The following SLC38A9 variants were observed in gnomAD, a reference collection of about 807,000 sequenced individuals.
The protein encoded by SLC38A9 is neutral amino acid transporter 9.
SLC38A9 carries 48 observed loss-of-function variants against 62.3 expected under a neutral mutation model. The observed-to-expected ratio is 0.77, with a 90% CI of 0.61 to 0.98. SLC38A9 has a LOEUF of 0.98. Ranked by LOEUF, SLC38A9 falls within the 50% of genes least tolerant of loss-of-function variation. The pLI is 0.00. For missense variants in SLC38A9, 541 were observed against 679.8 expected (o/e 0.80, Z 2.27); for synonymous variants, 204 against 227.7 (o/e 0.90, Z 0.94).
chr5:55,669,897 T>A lies in SLC38A9; in HGVS notation c.247-18A>T, dbSNP rs115252688. On this transcript the variant is annotated intron_variant, in intron 4 of 15. Coordinates refer to ENST00000396865, the MANE Select transcript of SLC38A9 (RefSeq NM_173514.4). ...GGGGCAATCTGGTAAAAAGGAAACATAGATAAATTTCAGAACCAGGAAATG... is the reference window on the plus strand; with the variant it reads ...GGGGCAATCTGGTAAAAAGGAAACAAAGATAAATTTCAGAACCAGGAAATG... The A allele has an allele frequency of 1.3e-6, 2 of 1,572,960 alleles. No homozygotes were observed. Among genetic ancestry groups the A allele is most frequent in the South Asian group, 2.4e-5 (2 of 84,794 alleles).
rs567049086 is a variant in SLC38A9 at position 55,633,970 on chromosome 5, T to G, written c.1282-68A>C. The stretch of plus-strand genomic sequence containing the variant: ...CAGTACACACATTCATAAAATGGAA[T>G]GTCTTCTGCTTATTTTGAACACAGG... On this transcript the variant is annotated intron_variant, in intron 13 of 15. Transcript: ENST00000396865. 28 of 1,250,262 alleles carry G rather than the reference T, an allele frequency of 2.2e-5. No individual in the cohort carries two copies. The African/African-American group carries it at 4.1e-4, about 18-fold the overall frequency. 77.4% of individuals were successfully genotyped at this position (1,250,262 alleles called of 1,614,324 possible).
intron 4 of SLC38A9, among the ~76,000 whole-genome samples, chr5:55,671,139 A>G (rs1379571458): frequency 6.6e-6 from 1 of 152,078 alleles, no homozygotes; most frequent in South Asian, 2.1e-4. Flanking sequence ...TTAAACTTGC[A>G]AGTTTCTGAC....
At chr5:55,677,555 G>A (rs539221452) in intron 3 of SLC38A9, among the ~76,000 whole-genome samples, 1 of 152,158 alleles carries the variant, frequency 6.6e-6, no homozygotes, top group African/African-American at 2.4e-5. Context: ...TGTTTGTTTT[G>A]AGATAGGGTT....
At chr5:55,690,516 C>G (rs1330029831) in intron 3 of SLC38A9, among the ~76,000 whole-genome samples, 2 of 152,164 alleles carry the variant, frequency 1.3e-5, no homozygotes, top group African/African-American at 4.8e-5. Flanking sequence ...TGATTAATGA[C>G]CAAGGTCCTA....
intron 6 of SLC38A9, 104 bp from the exon 7 acceptor site, chr5:55,669,425 A>G: frequency 7.6e-7 from 1 of 1,307,588 alleles, no homozygotes. Context: ...TTGACAACTC[A>G]TGAAAAACTA....
intron 3 of SLC38A9, among the ~76,000 whole-genome samples, chr5:55,686,828 T>A (rs1040951434): frequency 6.6e-5 from 10 of 152,330 alleles, no homozygotes; most frequent in African/African-American, 2.4e-4. Context: ...TTCAATTTTC[T>A]GTAAATGGCT....
intron 4 of SLC38A9, among the ~76,000 whole-genome samples, chr5:55,671,500 T>TTA (rs1751312020): frequency 1.1e-5 from 1 of 93,460 alleles, no homozygotes; most frequent in Non-Finnish European, 2.6e-5. Flanking sequence ...CAGTTTCCCA[T>TTA]TCTTCTTTTT....
In SLC38A9 at chr5:55,645,704, C is replaced by G. The variant is rs1435285413; in HGVS notation, c.1167+85G>C. The G allele has an allele frequency of 7.6e-6, 7 of 919,558 alleles. No individual in the cohort carries two copies. In the East Asian group the frequency reaches 1.9e-4, roughly 24 times the overall value. The allele number at this position is 919,558 out of a possible 1,614,324, so 57.0% of individuals were successfully genotyped here. A position where few individuals can be genotyped will look rare whatever the true frequency, so the allele number is the denominator to read the frequency against. On this transcript the variant is annotated intron_variant, in intron 12 of 15. Coordinates refer to ENST00000396865, the MANE Select transcript of SLC38A9 (RefSeq NM_173514.4). Reference sequence around the variant, plus strand: ...CTTGTAACAAAATTGCCTAATTGTACTCTAAATATAAAGTGCCTCAAATAC... The same window carrying G: ...CTTGTAACAAAATTGCCTAATTGTAGTCTAAATATAAAGTGCCTCAAATAC...
chr5:55,680,263 C>T (rs1752810251), intron 3 of SLC38A9, among the ~76,000 whole-genome samples: 1 of 151,892 alleles, frequency 6.6e-6, no homozygotes, highest in Admixed American at 6.6e-5. Context: ...TAATACTGTA[C>T]ATAGATGTGA....
chr5:55,657,015 C>G (rs1046209489), intron 8 of SLC38A9, among the ~76,000 whole-genome samples: 1 of 152,132 alleles, frequency 6.6e-6, no homozygotes, highest in African/African-American at 2.4e-5. Context: ...CGCCCACCAC[C>G]ACCCCTGGCT....
chr5:55,632,463 C>CAAA (rs375630460), intron 14 of SLC38A9, among the ~76,000 whole-genome samples: 74 of 151,986 alleles, frequency 4.9e-4, no homozygotes, highest in African/African-American at 1.7e-3. Flanking sequence ...ACAACAACAA[C>CAAA]AACAAAAACT....
At chr5:55,671,530 G>A (rs2150353121) in intron 4 of SLC38A9, among the ~76,000 whole-genome samples, 1 of 148,834 alleles carries the variant, frequency 6.7e-6, no homozygotes, top group African/African-American at 2.5e-5. Context: ...TAAGAGATGG[G>A]GTCACATGGC....
chr5:55,646,150 C>T (rs889321358), intron 11 of SLC38A9, among the ~76,000 whole-genome samples: 3 of 152,132 alleles, frequency 2.0e-5, no homozygotes, highest in African/African-American at 2.4e-5. Flanking sequence ...CCAAGGTGGG[C>T]GGATCACCTG....
intron 2 of SLC38A9, among the ~76,000 whole-genome samples, chr5:55,706,022 T>C (rs1757247142): frequency 6.6e-6 from 1 of 152,182 alleles, no homozygotes; most frequent in Admixed American, 6.5e-5. Flanking sequence ...TTAAACTCTT[T>C]AAGACATAAT....
chr5:55,651,246 A>ATTTTTTTTTTTTTTTTTTTTTTTT (rs1371252740), intron 10 of SLC38A9, among the ~76,000 whole-genome samples: 1 of 114,100 alleles, frequency 8.8e-6, no homozygotes, highest in Non-Finnish European at 1.7e-5. Context: ...TCCTTTTGCC[A>ATTTTTTTTTTTTTTTTTTTTTTTT]TCTTTTTTTT....
intron 3 of SLC38A9, among the ~76,000 whole-genome samples, chr5:55,687,426 CAAAAAAAAA>C (rs34476189): frequency 3.9e-5 from 3 of 76,394 alleles, no homozygotes; most frequent in South Asian, 6.2e-4. Flanking sequence ...GACTCCGTCT[CAAAAAAAAA>C]AAAAAAAAAA....
At chr5:55,661,362 G>A (rs1476172685) in intron 8 of SLC38A9, among the ~76,000 whole-genome samples, 1 of 150,276 alleles carries the variant, frequency 6.7e-6, no homozygotes, top group East Asian at 2.0e-4. Flanking sequence ...GGAGAATGGC[G>A]TGAACCCAGC....
At chr5:55,652,449 C>G (rs1026717902) in intron 10 of SLC38A9, 80 bp downstream of exon 10, 3 of 760,082 alleles carry the variant, frequency 3.9e-6, no homozygotes, top group Non-Finnish European at 5.8e-6. Context: ...GAAGGTAACT[C>G]CCCAATCAGA....
chr5:55,692,282 CTTATA>C (rs1754864347), intron 3 of SLC38A9, among the ~76,000 whole-genome samples: 1 of 152,134 alleles, frequency 6.6e-6, no homozygotes, highest in South Asian at 2.1e-4. Context: ...GAAACATTCA[CTTATA>C]TTATACAGGT....
Sources: gnomAD v4.1 joint callset for allele counts (sites outside exome capture counted in the v4.1 genomes callset) on GRCh38, gnomAD v4.1.1 for gene constraint, MANE v1.5 for transcripts, NCBI Gene and HGNC (gene_info 2026-07-23, HGNC 2026-07-21) for gene names.